SGCE: variants seen among roughly 807,000 people sequenced by gnomAD.
SGCE encodes the protein sarcoglycan epsilon.
SGCE carries 26 observed loss-of-function variants against 57.8 expected under a neutral mutation model. That is an observed-to-expected ratio of 0.45 (90% confidence interval 0.33 to 0.62). The LOEUF is 0.62. Among genes scored for constraint, SGCE ranks in the 20% least tolerant of loss-of-function variants. The pLI, the probability that SGCE is intolerant of heterozygous loss-of-function variation, is 0.02. For missense variants in SGCE, 468 were observed against 548.6 expected (o/e 0.85, Z 1.47); for synonymous variants, 183 against 189.5 (o/e 0.97, Z 0.28).
chr7:94,642,719 G>C (rs1806566617), intron 1 of SGCE, among the ~76,000 whole-genome samples: 1 of 152,148 alleles, frequency 6.6e-6, no homozygotes, highest in South Asian at 2.1e-4. Context: ...GCAAGACCTT[G>C]CTGGATAGTG....
chr7:94,603,397 C>G lies in SGCE; in HGVS notation c.718G>C (p.Glu240Gln). The change falls in exon 6 of 11, where the codon GAA becomes CAA. Residue 240 changes from glutamate (E) to glutamine (Q), a missense_variant. Physicochemically the swap from Glu to Gln is conservative, Grantham distance 29. Transcript: ENST00000648936. The stretch of plus-strand genomic sequence containing the variant: ...CATCTCAATTGATTCTGTGGATTTT[C>G]AACTTCTCGTAAACAAGAAGAAAAC... ...VPFSSCLREV[E>Q]NPQNQLRCSQ... 6.2e-7 allele frequency: 1 copy of G among 1,613,238 alleles called. No individual in the cohort carries two copies.
chr7:94,611,726 A>T (rs1455367802), intron 5 of SGCE, among the ~76,000 whole-genome samples: 1 of 152,196 alleles, frequency 6.6e-6, no homozygotes, highest in African/African-American at 2.4e-5. Context: ...GTTCAAAGCT[A>T]TGTAAATGTA....
intron 1 of SGCE, among the ~76,000 whole-genome samples, chr7:94,630,589 A>G (rs889391415): frequency 6.6e-6 from 1 of 151,932 alleles, no homozygotes; most frequent in Admixed American, 6.6e-5. Flanking sequence ...TACTTAAGAC[A>G]TATGATATGA....
intron 7 of SGCE, 139 bp from the exon 8 acceptor site, chr7:94,599,862 C>G: frequency 1.4e-6 from 1 of 706,656 alleles, no homozygotes. Context: ...CATTTGCCAC[C>G]AGGTTTATGA....
At chr7:94,586,213 A>G (rs1192587990) in intron 10 of SGCE, among the ~76,000 whole-genome samples, 1 of 152,142 alleles carries the variant, frequency 6.6e-6, no homozygotes, top group Non-Finnish European at 1.5e-5. Context: ...TGACATGTGC[A>G]TAATGTTCTG....
chr7:94,618,363 G>A (rs146200426), intron 5 of SGCE: 125 of 174,184 alleles, frequency 7.2e-4, no homozygotes, highest in Middle Eastern at 2.7e-3. Context: ...ATGGTGGAAA[G>A]AATGTTAAAG....
At chr7:94,607,707 T>C (rs1328459660) in intron 5 of SGCE, among the ~76,000 whole-genome samples, 2 of 152,208 alleles carry the variant, frequency 1.3e-5, no homozygotes, top group Non-Finnish European at 2.9e-5. Flanking sequence ...GTTTTCCTAC[T>C]AGTATCAGGA....
At chr7:94,599,766 T>C (rs776563935) in intron 7 of SGCE, 43 bp from the exon 8 acceptor site, 2 of 1,325,930 alleles carry the variant, frequency 1.5e-6, no homozygotes, top group East Asian at 4.6e-5. Context: ...ATAGCATTGA[T>C]ATTTGGAACA....
chr7:94,649,596 T>C (rs1476381841), intron 1 of SGCE, among the ~76,000 whole-genome samples: 1 of 152,198 alleles, frequency 6.6e-6, no homozygotes, highest in Non-Finnish European at 1.5e-5. Flanking sequence ...CCGTGGCATC[T>C]TCAACAACAG....
intron 9 of SGCE, chr7:94,598,518 A>C: frequency 2.2e-6 from 1 of 449,150 alleles, no homozygotes; most frequent in South Asian, 2.6e-5. Context: ...TGTTGAGTTT[A>C]ATATCAGTGT....
intron 1 of SGCE, among the ~76,000 whole-genome samples, chr7:94,643,830 C>T (rs1309033232): frequency 1.3e-5 from 2 of 152,002 alleles, no homozygotes; most frequent in Non-Finnish European, 2.9e-5. Flanking sequence ...TAGAAAAGGA[C>T]CAATGCATTT....
At chr7:94,586,958 G>C (rs965176770) in intron 10 of SGCE, 25 of 983,994 alleles carry the variant, frequency 2.5e-5, no homozygotes, top group Non-Finnish European at 3.0e-5. Context: ...AGGAGATACT[G>C]TACTTTAGTC....
intron 9 of SGCE, chr7:94,589,401 T>C (rs892810033): frequency 1.3e-5 from 2 of 155,384 alleles, no homozygotes; most frequent in African/African-American, 4.8e-5. Context: ...CTCACTTGGA[T>C]CCTTGTAAGG....
At chr7:94,592,046 C>G (rs1431311753) in intron 9 of SGCE, among the ~76,000 whole-genome samples, 1 of 152,130 alleles carries the variant, frequency 6.6e-6, no homozygotes, top group East Asian at 1.9e-4. Context: ...TTCAACATCC[C>G]CTGATTGGGT....
intron 1 of SGCE, chr7:94,644,773 TC>T (rs539858251): frequency 9.3e-5 from 27 of 288,906 alleles, no homozygotes; most frequent in Admixed American, 2.7e-4. Flanking sequence ...GTTACGCTGC[TC>T]CCTGACCCTC....
rs1325623515 is a variant in SGCE at position 94,599,409 on chromosome 7, T to C, written c.1064+288A>G. 1.2e-5 allele frequency: 5 copies of C among 410,134 alleles called. No homozygotes were observed. In the East Asian group the frequency reaches 1.7e-4, roughly 14 times the overall value. The allele number at this position is 410,134 out of a possible 1,614,324, so 25.4% of individuals were successfully genotyped here. A position where few individuals can be genotyped will look rare whatever the true frequency, so the allele number is the denominator to read the frequency against. ...GTCTTTTCATCTGTTCTCTGGTTTATAGAAATGCAGATTGGAAATCACATA... is the reference window on the plus strand; with the variant it reads ...GTCTTTTCATCTGTTCTCTGGTTTACAGAAATGCAGATTGGAAATCACATA... On this transcript the variant is annotated intron_variant, in intron 8 of 10. Transcript: ENST00000648936.
intron 1 of SGCE, among the ~76,000 whole-genome samples, chr7:94,643,516 A>G (rs939564574): frequency 3.9e-5 from 6 of 152,208 alleles, no homozygotes; most frequent in African/African-American, 1.4e-4. Flanking sequence ...ATGAAGTCCT[A>G]CTTTGACCAC....
intron 5 of SGCE, among the ~76,000 whole-genome samples, chr7:94,609,455 C>G (rs1800669947): frequency 6.6e-6 from 1 of 152,154 alleles, no homozygotes; most frequent in Non-Finnish European, 1.5e-5. Context: ...TCACTTGAAC[C>G]CAGGAGGCAG....
chr7:94,643,685 T>C (rs1292625761), intron 1 of SGCE, among the ~76,000 whole-genome samples: 1 of 152,142 alleles, frequency 6.6e-6, no homozygotes, highest in Non-Finnish European at 1.5e-5. Context: ...GAAATAACTA[T>C]TTATTTTTAA....
Sources: gnomAD v4.1 joint callset for allele counts (sites outside exome capture counted in the v4.1 genomes callset) on GRCh38, gnomAD v4.1.1 for gene constraint, MANE v1.5 for transcripts, NCBI Gene and HGNC (gene_info 2026-07-23, HGNC 2026-07-21) for gene names.